Variants in PCDHA9 observed in about 807,000 individuals in gnomAD.
PCDHA9 encodes protocadherin alpha 9.
A neutral mutation model predicts 62.0 loss-of-function variants in PCDHA9; 62 were observed. The observed-to-expected ratio is 1.00, with a 90% CI of 0.81 to 1.23. The LOEUF (loss-of-function observed/expected upper bound fraction) is 1.23, where lower values mean the gene tolerates loss of function less well. Among genes scored for constraint, PCDHA9 ranks in the 50% most tolerant of loss-of-function variants. The pLI is 0.00. For missense variants in PCDHA9, 1,205 were observed against 1,249.8 expected, an observed-to-expected ratio of 0.96 and a Z score of 0.54; for synonymous variants, 557 against 567.6, an observed-to-expected ratio of 0.98 and a Z score of 0.27.
chr5:140,971,599 A>G (rs891227830), intron 1 of PCDHA9, among the ~76,000 whole-genome samples: 1 of 152,140 alleles, frequency 6.6e-6, no homozygotes, highest in African/African-American at 2.4e-5. Flanking sequence ...GTTACTACAG[A>G]TGGCAGGAGA....
At chr5:140,857,662 TGGG>T (rs782196034) in intron 1 of PCDHA9, 1 of 1,596,528 alleles carries the variant, frequency 6.3e-7, no homozygotes. Context: ...GCGCGCGCGA[TGGG>T]GGCGTGCCGC....
At chr5:140,867,777 A>C (rs1477276984) in intron 1 of PCDHA9, 1 of 152,128 alleles carries the variant, frequency 6.6e-6, no homozygotes, top group Non-Finnish European at 1.5e-5. Context: ...CTCATAAGCA[A>C]TTCCTGTATT....
intron 1 of PCDHA9, chr5:140,864,131 C>T (rs1191478097): frequency 2.0e-5 from 3 of 152,082 alleles, no homozygotes; most frequent in Non-Finnish European, 2.9e-5. Context: ...GACTGAGTGG[C>T]TGTTTCCTGT....
intron 1 of PCDHA9, among the ~76,000 whole-genome samples, chr5:140,908,701 C>A (rs2074102440): frequency 6.6e-6 from 1 of 152,218 alleles, no homozygotes; most frequent in Admixed American, 6.5e-5. Context: ...ACACCTCAAG[C>A]ACCATTGGAT....
chr5:140,899,721 T>C (rs1415074846), intron 1 of PCDHA9, among the ~76,000 whole-genome samples: 1 of 152,250 alleles, frequency 6.6e-6, no homozygotes, highest in Non-Finnish European at 1.5e-5. Flanking sequence ...GATTCCCTCT[T>C]TTTCTATTGA....
intron 3 of PCDHA9, among the ~76,000 whole-genome samples, chr5:140,988,042 T>C (rs1365233473): frequency 1.3e-5 from 2 of 152,212 alleles, no homozygotes. Context: ...AGAATCTGTT[T>C]AGGAGCACTG....
At position 140,932,218 on chromosome 5, in the gene PCDHA9, T is replaced by G. The variant is rs556134668; in HGVS notation, c.2395-46731T>G. ...TCTGTTAATATTCTTGATGGGCAATTTAAATTTTTTAGAATGGTATCTAAG... is the reference window on the plus strand; with the variant it reads ...TCTGTTAATATTCTTGATGGGCAATGTAAATTTTTTAGAATGGTATCTAAG... On this transcript the variant is annotated intron_variant, in intron 1 of 3. Coordinates refer to ENST00000532602, the MANE Select transcript of PCDHA9 (RefSeq NM_031857.2). Among the ~76,000 whole-genome samples, 20 of 152,034 alleles carry G rather than the reference T, an allele frequency of 1.3e-4. 1 individual carries two copies. Among genetic ancestry groups the G allele is most frequent in the Middle Eastern group, 3.4e-3 (1 of 292 alleles).
At chr5:140,906,540 A>T (rs1375015616) in intron 1 of PCDHA9, among the ~76,000 whole-genome samples, 4 of 152,232 alleles carry the variant, frequency 2.6e-5, no homozygotes, top group African/African-American at 9.6e-5. Context: ...TAAAATCCTC[A>T]TTTCTGCAAC....
chr5:140,903,192 G>A (rs2070083529), intron 1 of PCDHA9, among the ~76,000 whole-genome samples: 1 of 152,160 alleles, frequency 6.6e-6, no homozygotes, highest in South Asian at 2.1e-4. Flanking sequence ...GTATAAAAGA[G>A]TGTCCTTTTC....
chr5:140,888,270 G>A (rs965190959), intron 1 of PCDHA9, among the ~76,000 whole-genome samples: 9 of 152,102 alleles, frequency 5.9e-5, no homozygotes. Flanking sequence ...ATAAGAAACA[G>A]TTTTGTCCCC....
At chr5:140,946,894 T>C (rs1368559322) in intron 1 of PCDHA9, among the ~76,000 whole-genome samples, 1 of 151,402 alleles carries the variant, frequency 6.6e-6, no homozygotes, top group Non-Finnish European at 1.5e-5. Context: ...TACAATTAGA[T>C]AGGAAGAATA....
intron 3 of PCDHA9, among the ~76,000 whole-genome samples, chr5:140,998,223 G>A (rs1554256200): frequency 6.6e-6 from 1 of 152,140 alleles, no homozygotes; most frequent in Non-Finnish European, 1.5e-5. Context: ...ACCACACCCA[G>A]AAATTTGTGC....
In PCDHA9 at chr5:140,967,001, A is replaced by T. The variant is rs1048933252; in HGVS notation, c.2395-11948A>T. The T allele has an allele frequency of 3.1e-6, 5 of 1,605,060 alleles. No homozygotes were observed. The South Asian group carries it at 5.5e-5, about 18-fold the overall frequency. The stretch of plus-strand genomic sequence containing the variant: ...GCGCTTGGGGCCGGGTTGCTTGCGC[A>T]TCAACCATCTGGGTGCGCCCAGTCC... On this transcript the variant is annotated intron_variant, in intron 1 of 3. Transcript: ENST00000532602.
rs2150471887 is a variant in PCDHA9, at chr5:140,850,185, G to A, written c.1690G>A (p.Ala564Thr). ...FVLDENDNAP[A>T]LLTPRMRGTD... is the part of the protein sequence containing the mutation. ...GCTGGACGAGAACGACAATGCGCCGGCGCTGCTGACACCTCGGATGAGGGG... is the reference window on the plus strand; with the variant it reads ...GCTGGACGAGAACGACAATGCGCCGACGCTGCTGACACCTCGGATGAGGGG... The change falls in exon 1 of 4, where the codon GCG becomes ACG. Residue 564 changes from alanine (A) to threonine (T), a missense_variant. By Grantham distance (58) the Ala-to-Thr change is moderately conservative (BLOSUM62 0). Around this residue, in one of 3 missense-constraint regions of PCDHA9, gnomAD observed 887 missense variants for 809.5 expected, o/e 1.10. Coordinates refer to ENST00000532602, the MANE Select transcript of PCDHA9 (RefSeq NM_031857.2). The A allele has an allele frequency of 1.3e-6, 2 of 1,593,890 alleles. No homozygotes were observed. The highest frequency in any genetic ancestry group is 1.1e-5 in the South Asian group (1 of 90,454).
intron 1 of PCDHA9, chr5:140,852,742 T>G (rs1190690172): frequency 1.0e-6 from 1 of 984,108 alleles, no homozygotes; most frequent in African/African-American, 1.8e-5. Context: ...ATGTGCCATT[T>G]AAACTTGGAC....
intron 1 of PCDHA9, among the ~76,000 whole-genome samples, chr5:140,921,468 C>T (rs886501347): frequency 3.3e-5 from 5 of 152,182 alleles, no homozygotes; most frequent in African/African-American, 1.2e-4. Flanking sequence ...GCAACCACTA[C>T]CAAACCACTC....
Position 140,927,792 on chromosome 5 carries a change from T to C in PCDHA9, c.2395-51157T>C, listed in dbSNP as rs12522306. On this transcript the variant is annotated intron_variant, in intron 1 of 3. Coordinates refer to ENST00000532602, the MANE Select transcript of PCDHA9 (RefSeq NM_031857.2). The stretch of plus-strand genomic sequence containing the variant: ...AGGTGCAAGTAGCTGCTTCACTAGG[T>C]CCGCCTGAAACGCTCTTGGAGGCAT... 8,419 of 1,614,148 alleles carry C rather than the reference T, an allele frequency of 5.2e-3. 630 individuals carry two copies. The Admixed American group carries it at 0.13, about 25-fold the overall frequency.
intron 1 of PCDHA9, among the ~76,000 whole-genome samples, chr5:140,879,977 C>T (rs1285167233): frequency 6.6e-6 from 1 of 152,174 alleles, no homozygotes; most frequent in African/African-American, 2.4e-5. Flanking sequence ...AAACTCCTTT[C>T]AAGATCCTTA....
intron 1 of PCDHA9, among the ~76,000 whole-genome samples, chr5:140,920,841 T>TA (rs781921146): frequency 0.047 from 5,179 of 109,134 alleles, 120 homozygotes; most frequent in African/African-American, 0.092. Flanking sequence ...AGACCAAATC[T>TA]AAAAAAAAAA....
Sources: allele counts gnomAD v4.1 joint callset (sites outside exome capture counted in the v4.1 genomes callset), GRCh38; gene constraint gnomAD v4.1.1; regional missense constraint gnomAD v4.1.1; transcripts MANE v1.5; gene names NCBI Gene and HGNC (gene_info 2026-07-23, HGNC 2026-07-21).